The following DTD1 variants were observed in gnomAD, a reference collection of about 807,000 sequenced individuals.
The protein encoded by DTD1 is D-tyrosyl-tRNA deacylase 1 homolog.
DTD1 carries 13 observed loss-of-function variants against 25.6 expected under a neutral mutation model. That is an observed-to-expected ratio of 0.51 (90% CI 0.33 to 0.81). The LOEUF (loss-of-function observed/expected upper bound fraction) is 0.81, where lower values mean the gene tolerates loss of function less well. DTD1 is among the 30% of genes least tolerant of loss of function. The pLI, the probability that DTD1 is intolerant of heterozygous loss-of-function variation, is 0.02. For synonymous variants in DTD1, 110 were observed against 103.6 expected (o/e 1.06, Z -0.37); for missense variants, 193 against 266.4 (o/e 0.72, Z 1.92).
chr20:18,701,680 C>A (rs2061105838), intron 4 of DTD1, among the ~76,000 whole-genome samples: 1 of 152,230 alleles, frequency 6.6e-6, no homozygotes, highest in African/African-American at 2.4e-5. Context: ...ATAGGCCTGA[C>A]ACACAGGTCA....
intron 5 of DTD1, among the ~76,000 whole-genome samples, chr20:18,748,056 AC>A (rs1323818847): frequency 6.6e-6 from 1 of 152,028 alleles, no homozygotes; most frequent in Non-Finnish European, 1.5e-5. Context: ...AAACAAAAAA[AC>A]AACTTGAATG....
chr20:18,713,359 A>T (rs542316180), intron 4 of DTD1, among the ~76,000 whole-genome samples: 90 of 152,320 alleles, frequency 5.9e-4, no homozygotes, highest in African/African-American at 2.1e-3. Context: ...CTCTTGTTAA[A>T]ATCTTCCCAG....
intron 4 of DTD1, among the ~76,000 whole-genome samples, chr20:18,689,285 G>A (rs1036083803): frequency 1.3e-5 from 2 of 152,058 alleles, no homozygotes; most frequent in African/African-American, 2.4e-5. Context: ...TCCACTGCCC[G>A]CCCCCTTTGT....
At chr20:18,607,243 C>T (rs1600313984) in intron 3 of DTD1, among the ~76,000 whole-genome samples, 1 of 151,814 alleles carries the variant, frequency 6.6e-6, no homozygotes, top group Non-Finnish European at 1.5e-5. Flanking sequence ...GGCTCTGCAA[C>T]CTCTGCCTTC....
intron 3 of DTD1, among the ~76,000 whole-genome samples, chr20:18,612,095 C>T (rs1392592711): frequency 4.0e-4 from 54 of 136,352 alleles, no homozygotes; most frequent in African/African-American, 1.3e-3. Flanking sequence ...AGTGCAGTGG[C>T]GGGATCTCGG....
chr20:18,698,943 T>A (rs564252511), intron 4 of DTD1, among the ~76,000 whole-genome samples: 9 of 152,250 alleles, frequency 5.9e-5, no homozygotes, highest in Admixed American at 5.2e-4. Context: ...ACAAAATGGC[T>A]GCCACAGCAG....
At chr20:18,597,154 A>AGTGTGTGTGTGT (rs4052788) in intron 3 of DTD1, among the ~76,000 whole-genome samples, 46 of 143,568 alleles carry the variant, frequency 3.2e-4, no homozygotes, top group African/African-American at 9.9e-4. Flanking sequence ...GATGAGAGAA[A>AGTGTGTGTGTGT]GTGTGTGTGT....
At chr20:18,704,023 CG>C (rs993846693) in intron 4 of DTD1, among the ~76,000 whole-genome samples, 6 of 138,814 alleles carry the variant, frequency 4.3e-5, no homozygotes. Flanking sequence ...TTTTTTGAGA[CG>C]GAGTCTCGCT....
At chr20:18,725,056 T>C (rs1271708397) in intron 4 of DTD1, among the ~76,000 whole-genome samples, 1 of 152,212 alleles carries the variant, frequency 6.6e-6, no homozygotes, top group African/African-American at 2.4e-5. Flanking sequence ...ATTGAAGAGG[T>C]GGTGTTACAG....
intron 4 of DTD1, 82 bp downstream of exon 4, chr20:18,628,315 A>C (rs2060768257): frequency 9.7e-7 from 1 of 1,034,222 alleles, no homozygotes; most frequent in Non-Finnish European, 1.5e-6. Flanking sequence ...CCTCGGTCTG[A>C]GGAAATACAT....
intron 2 of DTD1, 23 bp from the exon 3 acceptor site, chr20:18,595,983 C>T (rs753102102): frequency 6.2e-7 from 1 of 1,607,302 alleles, no homozygotes. Context: ...TCAGGTAGCT[C>T]TCACTGCTCT....
chr20:18,733,282 C>T lies in DTD1; in HGVS notation c.478-10818C>T, dbSNP rs538403173. On this transcript the variant is annotated intron_variant, in intron 4 of 5. Coordinates refer to ENST00000377452, the MANE Select transcript of DTD1 (RefSeq NM_080820.6). ...AACTTCTGGACACTTCTGGCCTGCC[C>T]TATACTCAGGCCTTGTGCCCGCCTG... Among the ~76,000 whole-genome samples, 3 of 152,250 alleles carry T rather than the reference C, an allele frequency of 2.0e-5. No homozygotes were observed. In the East Asian group the frequency reaches 5.8e-4, roughly 29 times the overall value.
intron 4 of DTD1, among the ~76,000 whole-genome samples, chr20:18,730,432 A>G (rs1016227152): frequency 2.6e-5 from 4 of 152,196 alleles, no homozygotes; most frequent in Non-Finnish European, 4.4e-5. Flanking sequence ...CCAACATAAA[A>G]TATTCCTTTC....
chr20:18,707,979 A>G (rs953746401), intron 4 of DTD1, among the ~76,000 whole-genome samples: 1 of 150,420 alleles, frequency 6.6e-6, no homozygotes, highest in Non-Finnish European at 1.5e-5. Context: ...CCAACTCTCC[A>G]TGAGTGGGCG....
intron 3 of DTD1, among the ~76,000 whole-genome samples, chr20:18,626,037 G>C (rs1056482546): frequency 3.9e-5 from 6 of 152,190 alleles, no homozygotes; most frequent in African/African-American, 1.4e-4. Context: ...TTTTCTTTCA[G>C]AGTATACTTT....
chr20:18,725,807 G>C (rs543509964), intron 4 of DTD1, among the ~76,000 whole-genome samples: 4 of 152,266 alleles, frequency 2.6e-5, no homozygotes, highest in African/African-American at 7.2e-5. Flanking sequence ...GGTTTTAACT[G>C]CTCAGCAGAT....
At chr20:18,681,830 A>G (rs931052785) in intron 4 of DTD1, among the ~76,000 whole-genome samples, 6 of 152,256 alleles carry the variant, frequency 3.9e-5, no homozygotes, top group Non-Finnish European at 8.8e-5. Context: ...GGATCTACAT[A>G]TAGAACAGAA....
chr20:18,626,124 G>C (rs149021082), intron 3 of DTD1, among the ~76,000 whole-genome samples: 1 of 152,342 alleles, frequency 6.6e-6, no homozygotes, highest in East Asian at 1.9e-4. Context: ...CATGACAATA[G>C]TAATAATAGT....
intron 4 of DTD1, among the ~76,000 whole-genome samples, chr20:18,664,563 A>T (rs1265363100): frequency 6.6e-6 from 1 of 152,130 alleles, no homozygotes; most frequent in Admixed American, 6.5e-5. Context: ...CCATGAGCAG[A>T]TCTGTGTGGT....
Sources: gnomAD v4.1 joint callset for allele counts (sites outside exome capture counted in the v4.1 genomes callset) on GRCh38, gnomAD v4.1.1 for gene constraint, MANE v1.5 for transcripts, NCBI Gene and HGNC (gene_info 2026-07-23, HGNC 2026-07-21) for gene names.